Variants in ETFA observed in about 807,000 individuals in gnomAD.
The protein encoded by ETFA is electron transfer flavoprotein subunit alpha, mitochondrial.
Under a neutral mutation model 46.2 loss-of-function variants are expected in ETFA, and 22 were observed. The observed-to-expected ratio is 0.48, with a 90% confidence interval of 0.34 to 0.68. The LOEUF is 0.68. Among genes scored for constraint, ETFA ranks in the 30% least tolerant of loss-of-function variants. ETFA has a pLI of 0.01. For synonymous variants in ETFA, 131 were observed against 139.9 expected (o/e 0.94, Z 0.45); for missense variants, 345 against 401.1 (o/e 0.86, Z 1.19).
At chr15:76,233,689 A>G (rs188535806) in intron 9 of ETFA, among the ~76,000 whole-genome samples, 2 of 152,330 alleles carry the variant, frequency 1.3e-5, no homozygotes, top group Admixed American at 1.3e-4. Context: ...TCATAAAGGG[A>G]CATTTGTTAA....
intron 9 of ETFA, among the ~76,000 whole-genome samples, chr15:76,266,471 T>C (rs2039471613): frequency 6.6e-6 from 1 of 152,168 alleles, no homozygotes; most frequent in African/African-American, 2.4e-5. Context: ...CAGCTGAAAC[T>C]AGGGAAGAAT....
intron 11 of ETFA, among the ~76,000 whole-genome samples, chr15:76,224,946 G>A (rs999719543): frequency 6.6e-6 from 1 of 152,142 alleles, no homozygotes; most frequent in Non-Finnish European, 1.5e-5. Context: ...CTCATGGGAA[G>A]GTCAAATATG....
chr15:76,252,970 T>C (rs1031856885), intron 9 of ETFA, among the ~76,000 whole-genome samples: 1 of 150,356 alleles, frequency 6.7e-6, no homozygotes, highest in Non-Finnish European at 1.5e-5. Flanking sequence ...TGGCTGTTGA[T>C]AGGTATGATC....
intron 9 of ETFA, chr15:76,259,111 T>G (rs2039375818): frequency 2.0e-6 from 3 of 1,523,906 alleles, no homozygotes; most frequent in Non-Finnish European, 2.7e-6. Context: ...GGGGTGAGGA[T>G]GTATCAACAT....
intron 9 of ETFA, among the ~76,000 whole-genome samples, chr15:76,244,391 C>T (rs566036108): frequency 6.6e-6 from 1 of 152,150 alleles, no homozygotes; most frequent in Non-Finnish European, 1.5e-5. Context: ...GGAGTATACC[C>T]TCCTGTCTCA....
In ETFA at chr15:76,232,987, C is replaced by T. The variant is rs189980705; in HGVS notation, c.817-1589G>A. Among the ~76,000 whole-genome samples, 419 of 152,298 alleles carry T rather than the reference C, an allele frequency of 2.8e-3. 1 individual carries two copies. The highest frequency in any genetic ancestry group is 9.5e-3 in the African/African-American group (395 of 41,552). ...AACCTGGAAAAGGAAACAATCTAGTCCCCAAAGTGAGTTAATCATCTAAAA... is the reference window on the plus strand; with the variant it reads ...AACCTGGAAAAGGAAACAATCTAGTTCCCAAAGTGAGTTAATCATCTAAAA... On this transcript the variant is annotated intron_variant, in intron 9 of 11. Transcript: ENST00000557943.
intron 9 of ETFA, chr15:76,259,946 G>C: frequency 1.5e-6 from 2 of 1,373,910 alleles, no homozygotes; most frequent in Non-Finnish European, 1.0e-6. Flanking sequence ...GAGGCTCAGA[G>C]GCTTACCCCA....
intron 10 of ETFA, among the ~76,000 whole-genome samples, chr15:76,227,553 C>A (rs1046425034): frequency 7.2e-6 from 1 of 139,410 alleles, no homozygotes; most frequent in Non-Finnish European, 1.5e-5. Context: ...TCAAATCATT[C>A]TTTTATTAAT....
chr15:76,305,049 AAAAG>A (rs532586716), intron 1 of ETFA, among the ~76,000 whole-genome samples: 1,605 of 150,654 alleles, frequency 0.011, 15 homozygotes, highest in Non-Finnish European at 0.018. Flanking sequence ...TCAAAAAAAA[AAAAG>A]AAAGAAAGAA....
At chr15:76,227,106 C>T (rs1014062483) in intron 10 of ETFA, among the ~76,000 whole-genome samples, 1 of 151,872 alleles carries the variant, frequency 6.6e-6, no homozygotes, top group African/African-American at 2.4e-5. Flanking sequence ...TAAAAATATT[C>T]TTAAATGCAG....
At chr15:76,243,219 C>G (rs937840963) in intron 9 of ETFA, among the ~76,000 whole-genome samples, 3 of 151,066 alleles carry the variant, frequency 2.0e-5, no homozygotes, top group Admixed American at 6.6e-5. Context: ...TGCTTGAACC[C>G]GAGATGGCAC....
intron 9 of ETFA, 40 bp downstream of exon 9, chr15:76,274,372 C>T: frequency 7.0e-7 from 1 of 1,420,124 alleles, no homozygotes; most frequent in South Asian, 1.2e-5. Context: ...GTACTTATCC[C>T]CATAACATTT....
chr15:76,229,831 A>G (rs1371661282), intron 10 of ETFA, among the ~76,000 whole-genome samples: 1 of 152,224 alleles, frequency 6.6e-6, no homozygotes, highest in East Asian at 1.9e-4. Flanking sequence ...CTGAATGGAT[A>G]AATGCAGGAA....
chr15:76,279,767 G>A (rs2039630195), intron 8 of ETFA, among the ~76,000 whole-genome samples: 1 of 151,994 alleles, frequency 6.6e-6, no homozygotes, highest in African/African-American at 2.4e-5. Context: ...ACTCCACTTG[G>A]GTTCCAAAAC....
intron 9 of ETFA, among the ~76,000 whole-genome samples, chr15:76,232,765 G>A (rs1363282532): frequency 6.6e-6 from 1 of 152,124 alleles, no homozygotes; most frequent in African/African-American, 2.4e-5. Context: ...AAACAGAAGA[G>A]GTACACCTCC....
At position 76,231,402 on chromosome 15, in the gene ETFA, A is replaced by G. The variant is rs765534098; in HGVS notation, c.817-4T>C. The G allele has an allele frequency of 6.3e-7, 1 of 1,581,236 alleles. No individual in the cohort carries two copies. Among genetic ancestry groups the G allele is most frequent in the Non-Finnish European group, 8.7e-7 (1 of 1,150,392 alleles). On this transcript the variant is annotated splice_region_variant and splice_polypyrimidine_tract_variant and intron_variant, in intron 9 of 11. Coordinates refer to ENST00000557943, the MANE Select transcript of ETFA (RefSeq NM_000126.4). ...TTCCAACAGCAATATAAAGTTCCTGAAATAAAAGAGGTCACATTATTAATA... is the reference window on the plus strand; with the variant it reads ...TTCCAACAGCAATATAAAGTTCCTGGAATAAAAGAGGTCACATTATTAATA...
At position 76,216,580 on chromosome 15, in the gene ETFA, A is replaced by G; in HGVS notation, c.981T>C (p.Thr327=). 2 of 1,591,148 alleles carry G rather than the reference A, an allele frequency of 1.3e-6. No homozygotes were observed. The highest frequency in any genetic ancestry group is 1.7e-6 in the Non-Finnish European group (2 of 1,159,116). ...ADLFKVVPEM[T]EILKKK is the part of the protein sequence containing the mutation. Reference sequence around the variant, plus strand: ...TGATTCATTTTTTCTTCAATATCTCAGTCATTTCAGGAACTACCTGCAAAT... The same window carrying G: ...TGATTCATTTTTTCTTCAATATCTCGGTCATTTCAGGAACTACCTGCAAAT... The change falls in exon 12 of 12, where the codon ACT becomes ACC. Residue 327 remains threonine, a synonymous_variant. Transcript: ENST00000557943.
At position 76,224,686 on chromosome 15, in the gene ETFA, C is replaced by T. The variant is rs190163853; in HGVS notation, c.963+1163G>A. Among the ~76,000 whole-genome samples, 73 of 152,328 alleles carry T rather than the reference C, an allele frequency of 4.8e-4. 1 individual carries two copies. The highest frequency in any genetic ancestry group is 3.8e-3 in the Admixed American group (58 of 15,304). ...AGCCTCTCCACTAAGGCCCATAGCC[C>T]CTCGCTGTGGTTCTACATGAGGGGT... On this transcript the variant is annotated intron_variant, in intron 11 of 11. Coordinates refer to ENST00000557943, the MANE Select transcript of ETFA (RefSeq NM_000126.4).
chr15:76,273,244 G>C (rs1055193058), intron 9 of ETFA, among the ~76,000 whole-genome samples: 2 of 152,068 alleles, frequency 1.3e-5, no homozygotes, highest in African/African-American at 4.8e-5. Flanking sequence ...ACAGGCAAAA[G>C]ACTTGAACAA....
Sources: gnomAD v4.1 joint callset for allele counts (sites outside exome capture counted in the v4.1 genomes callset) on GRCh38, gnomAD v4.1.1 for gene constraint, MANE v1.5 for transcripts, NCBI Gene and HGNC (gene_info 2026-07-23, HGNC 2026-07-21) for gene names.